FOXP2: variants seen among roughly 807,000 people sequenced by gnomAD.
FOXP2 encodes the protein forkhead box P2, also known as forkhead box protein P2.
Under a neutral mutation model 115.8 loss-of-function variants are expected in FOXP2, and 12 were observed. The observed-to-expected ratio is 0.10, with a 90% CI of 0.07 to 0.17. The LOEUF (loss-of-function observed/expected upper bound fraction) is 0.17. Ranked by LOEUF, FOXP2 falls within the 10% of genes least tolerant of loss-of-function variation. The pLI is 1.00. For missense variants in FOXP2, 629 were observed against 843.5 expected, an observed-to-expected ratio of 0.75 and a Z score of 3.15; for synonymous variants, 328 against 297.7, an observed-to-expected ratio of 1.10 and a Z score of -1.05.
At chr7:114,192,167 A>G (rs934020485) in intron 1 of FOXP2, among the ~76,000 whole-genome samples, 12 of 152,202 alleles carry the variant, frequency 7.9e-5, no homozygotes, top group African/African-American at 2.9e-4. Context: ...TTGTATTTGT[A>G]GTAGAGACGG....
chr7:114,677,931 C>T (rs372702792), intron 16 of FOXP2, among the ~76,000 whole-genome samples: 1 of 152,134 alleles, frequency 6.6e-6, no homozygotes. Flanking sequence ...GAAACTGTGG[C>T]AGATGATCAG....
intron 2 of FOXP2, among the ~76,000 whole-genome samples, chr7:114,317,332 G>C (rs1054483598): frequency 6.6e-6 from 1 of 152,164 alleles, no homozygotes; most frequent in Non-Finnish European, 1.5e-5. Context: ...ATAACTTAGA[G>C]ATGCTTTATT....
intron 3 of FOXP2, among the ~76,000 whole-genome samples, chr7:114,536,545 T>G (rs1799409529): frequency 6.6e-6 from 1 of 151,328 alleles, no homozygotes; most frequent in Non-Finnish European, 1.5e-5. Flanking sequence ...TTGTTGTTTG[T>G]TTATCAATGC....
chr7:114,242,581 T>C (rs1420213876), intron 1 of FOXP2, among the ~76,000 whole-genome samples: 1 of 152,180 alleles, frequency 6.6e-6, no homozygotes, highest in Non-Finnish European at 1.5e-5. Context: ...AGAATGTCAA[T>C]ATCTTTCTGA....
In FOXP2 at chr7:114,329,627, A is replaced by G. The variant is rs192141645; in HGVS notation, c.-11+41518A>G. 3.5e-3 allele frequency among the ~76,000 whole-genome samples: 524 copies of G among 151,274 alleles called. 7 individuals are homozygous for G. Among genetic ancestry groups the G allele is most frequent in the Non-Finnish European group, 1.2e-3 (83 of 67,856 alleles). ...GAACATATAATAGTGATACCGTGCCATTTTTCACTATGTAAGTTTTATTTA... is the reference window on the plus strand; with the variant it reads ...GAACATATAATAGTGATACCGTGCCGTTTTTCACTATGTAAGTTTTATTTA... On this transcript the variant is annotated intron_variant, in intron 2 of 17. Coordinates refer to the FOXP2 transcript ENST00000634411.
intron 16 of FOXP2, chr7:114,665,001 TAA>T (rs1447125750): frequency 6.5e-6 from 1 of 153,940 alleles, no homozygotes; most frequent in African/African-American, 2.4e-5. Context: ...GCAAGGTTTA[TAA>T]GTTATATTTT....
At chr7:114,219,114 G>A (rs992609973) in intron 1 of FOXP2, among the ~76,000 whole-genome samples, 12 of 152,038 alleles carry the variant, frequency 7.9e-5, no homozygotes, top group Non-Finnish European at 1.8e-4. Flanking sequence ...AAAGCTACTA[G>A]TTTTCGAAAA....
At chr7:114,672,439 G>A (rs1214181973) in intron 16 of FOXP2, among the ~76,000 whole-genome samples, 1 of 152,056 alleles carries the variant, frequency 6.6e-6, no homozygotes, top group Non-Finnish European at 1.5e-5. Flanking sequence ...ACAAAAATTA[G>A]CTGGGCACGG....
At chr7:114,204,479 C>T (rs962662094) in intron 1 of FOXP2, among the ~76,000 whole-genome samples, 1 of 152,158 alleles carries the variant, frequency 6.6e-6, no homozygotes, top group African/African-American at 2.4e-5. Context: ...TAACTCACAG[C>T]TCTGCATCTT....
intron 7 of FOXP2, among the ~76,000 whole-genome samples, chr7:114,643,568 T>C (rs1805702030): frequency 1.3e-5 from 2 of 152,212 alleles, no homozygotes; most frequent in Non-Finnish European, 2.9e-5. Context: ...GATAATTTTT[T>C]TGATAATTTT....
At chr7:114,120,874 C>T (rs181429153) in intron 1 of FOXP2, among the ~76,000 whole-genome samples, 1 of 152,052 alleles carries the variant, frequency 6.6e-6, no homozygotes, top group East Asian at 1.9e-4. Flanking sequence ...ATTTAAAGTC[C>T]AGTGGTTTGT....
intron 3 of FOXP2, among the ~76,000 whole-genome samples, chr7:114,535,139 A>G (rs1259029398): frequency 1.3e-5 from 2 of 151,744 alleles, no homozygotes; most frequent in Non-Finnish European, 3.0e-5. Context: ...AGGATTGCCA[A>G]AAAAACTGTT....
chr7:114,433,794 A>G (rs899502789), intron 2 of FOXP2, among the ~76,000 whole-genome samples: 13 of 151,978 alleles, frequency 8.6e-5, no homozygotes, highest in Non-Finnish European at 1.9e-4. Context: ...TAGTATTAAA[A>G]CTATTTGATT....
intron 3 of FOXP2, among the ~76,000 whole-genome samples, chr7:114,623,152 C>G (rs1194106002): frequency 6.6e-6 from 1 of 151,858 alleles, no homozygotes; most frequent in Non-Finnish European, 1.5e-5. Context: ...ATCTGTTAAG[C>G]ATTAATGTTC....
chr7:114,651,131 A>G (rs959670109), intron 8 of FOXP2, among the ~76,000 whole-genome samples: 1 of 152,074 alleles, frequency 6.6e-6, no homozygotes, highest in African/African-American at 2.4e-5. Context: ...CAGTATACCC[A>G]GGGCTATTAT....
chr7:114,436,388 T>C (rs1794351827), intron 2 of FOXP2, among the ~76,000 whole-genome samples: 1 of 151,360 alleles, frequency 6.6e-6, no homozygotes, highest in Non-Finnish European at 1.5e-5. Flanking sequence ...AGACAGTAAG[T>C]TTTATGAGGG....
intron 3 of FOXP2, among the ~76,000 whole-genome samples, chr7:114,611,774 C>T (rs996143617): frequency 1.3e-5 from 2 of 152,030 alleles, no homozygotes; most frequent in African/African-American, 4.8e-5. Flanking sequence ...CATCATGAAA[C>T]TTGCATCCTT....
At chr7:114,189,735 G>A (rs1444215766) in intron 1 of FOXP2, among the ~76,000 whole-genome samples, 2 of 152,104 alleles carry the variant, frequency 1.3e-5, no homozygotes, top group African/African-American at 2.4e-5. Context: ...TTAAGAGAAC[G>A]TGACTGTTAT....
chr7:114,097,821 A>T (rs1227371520), intron 1 of FOXP2, among the ~76,000 whole-genome samples: 1 of 152,216 alleles, frequency 6.6e-6, no homozygotes, highest in African/African-American at 2.4e-5. Flanking sequence ...GAAGAAGCTC[A>T]TTATCAATTG....
Sources: allele counts gnomAD v4.1 joint callset (sites outside exome capture counted in the v4.1 genomes callset), GRCh38; gene constraint gnomAD v4.1.1; transcripts MANE v1.5; gene names NCBI Gene and HGNC (gene_info 2026-07-23, HGNC 2026-07-21).